The following N4BP2L2 variants were observed in gnomAD, a reference collection of about 807,000 sequenced individuals.
N4BP2L2 encodes the protein NEDD4 binding protein 2 like 2.
In N4BP2L2, 50 loss-of-function variants were observed where a neutral mutation model predicts 56.2. The ratio of observed to expected loss-of-function variants is 0.89; its 90% CI spans 0.71 to 1.13. The LOEUF (loss-of-function observed/expected upper bound fraction) is 1.13. N4BP2L2 is among the 50% of genes most tolerant of loss of function. The pLI is 0.00. For missense variants in N4BP2L2, 689 were observed against 693.8 expected, an observed-to-expected ratio of 0.99 and a Z score of 0.08; for synonymous variants, 203 against 223.6, an observed-to-expected ratio of 0.91 and a Z score of 0.82.
chr13:32,459,568 A>G (rs1276499532), intron 6 of N4BP2L2, among the ~76,000 whole-genome samples: 1 of 152,112 alleles, frequency 6.6e-6, no homozygotes, highest in African/African-American at 2.4e-5. Flanking sequence ...ATCCTACAAT[A>G]TTGAATCAAA....
chr13:32,467,827 T>C (rs1179260833), intron 6 of N4BP2L2, among the ~76,000 whole-genome samples: 1 of 151,256 alleles, frequency 6.6e-6, no homozygotes, highest in East Asian at 2.0e-4. Flanking sequence ...CCATCTCTAA[T>C]AAAAATACAA....
exon 6 of N4BP2L2, chr13:32,513,657 C>T (rs566478897): frequency 4.6e-5 from 7 of 152,026 alleles, no homozygotes; most frequent in Non-Finnish European, 8.8e-5. Context: ...CCTGCTGCTG[C>T]CACCAAATTA....
chr13:32,528,342 A>T (rs1356986774), intron 2 of N4BP2L2, among the ~76,000 whole-genome samples: 1 of 152,248 alleles, frequency 6.6e-6, no homozygotes, highest in Admixed American at 6.5e-5. Flanking sequence ...TTGGAGGCTT[A>T]AGGTTATGGA....
chr13:32,516,533 A>C (rs545063861), exon 6 of N4BP2L2: 1 of 152,334 alleles, frequency 6.6e-6, no homozygotes, highest in Admixed American at 6.5e-5. Flanking sequence ...GAATATCTAA[A>C]GTTGAAAGGA....
chr13:32,442,839 G>A lies in N4BP2L2; in HGVS notation c.1653C>T (p.Thr551=), dbSNP rs761765271. The change falls in exon 7 of 10, where the codon ACC becomes ACT. Residue 551 remains threonine (T), a synonymous_variant. Coordinates refer to the N4BP2L2 transcript ENST00000357505. ...AACGCTGTCCATCAATATTTAAAGG[G>A]GTAGCTTTGATAATATCAAGGTAAA... The A allele has an allele frequency of 3.7e-6, 6 of 1,613,446 alleles. No individual in the cohort carries two copies. In the South Asian group the frequency reaches 4.4e-5, roughly 12 times the overall value.
chr13:32,478,665 C>G (rs947481930), intron 6 of N4BP2L2: 3 of 152,462 alleles, frequency 2.0e-5, no homozygotes, highest in African/African-American at 7.2e-5. Flanking sequence ...AGAAGATTCT[C>G]TATTTGTTCA....
Position 32,438,625 on chromosome 13 carries a change from T to TACACAC in N4BP2L2, c.2190+21_2190+26dup, listed in dbSNP as rs374411974. ...AAACAACAACAACAACAAAAATACA[T>TACACAC]ACACACACACACACACACATATATA... On this transcript the variant is annotated intron_variant, in intron 8 of 9. Transcript: ENST00000357505. 12 of 1,425,360 alleles carry TACACAC rather than the reference T, an allele frequency of 8.4e-6. No individual in the cohort carries two copies. In the African/African-American group the frequency reaches 1.6e-4, roughly 19 times the overall value. 88.3% of individuals were successfully genotyped at this position (1,425,360 alleles called of 1,614,324 possible).
chr13:32,478,574 G>C (rs73173019), intron 6 of N4BP2L2: 1 of 154,078 alleles, frequency 6.5e-6, no homozygotes, highest in African/African-American at 2.4e-5. Context: ...GAAAAAGAAT[G>C]TCTCTAATTG....
chr13:32,446,156 T>C (rs531075063), intron 6 of N4BP2L2, among the ~76,000 whole-genome samples: 2 of 152,210 alleles, frequency 1.3e-5, no homozygotes, highest in Admixed American at 1.3e-4. Context: ...CTGGGCAATT[T>C]TCAATAGGTA....
At chr13:32,526,336 GA>G (rs2052764644) in intron 3 of N4BP2L2, among the ~76,000 whole-genome samples, 2 of 152,194 alleles carry the variant, frequency 1.3e-5, no homozygotes, top group Admixed American at 1.3e-4. Flanking sequence ...TCGAACAACA[GA>G]GGAGATTCAA....
At chr13:32,493,825 A>G (rs545707065) in intron 6 of N4BP2L2, among the ~76,000 whole-genome samples, 1 of 152,386 alleles carries the variant, frequency 6.6e-6, no homozygotes, top group South Asian at 2.1e-4. Context: ...AAAAACTGCA[A>G]GCTAATGTTA....
chr13:32,447,010 G>A (rs1055524035), intron 6 of N4BP2L2, among the ~76,000 whole-genome samples: 1 of 151,738 alleles, frequency 6.6e-6, no homozygotes. Flanking sequence ...TAACCATTAT[G>A]CAACACTGCC....
intron 7 of N4BP2L2, chr13:32,438,835 C>T: frequency 1.3e-6 from 1 of 760,954 alleles, no homozygotes; most frequent in Non-Finnish European, 2.1e-6. Flanking sequence ...TTCACCATAC[C>T]ATTAAAAGTC....
intron 6 of N4BP2L2, among the ~76,000 whole-genome samples, chr13:32,479,003 C>T (rs933379572): frequency 2.0e-5 from 3 of 151,706 alleles, no homozygotes; most frequent in South Asian, 2.1e-4. Context: ...GGAATGATGG[C>T]GGGTGCCTAT....
intron 6 of N4BP2L2, among the ~76,000 whole-genome samples, chr13:32,483,232 G>A (rs961636331): frequency 7.9e-5 from 12 of 152,112 alleles, no homozygotes; most frequent in Non-Finnish European, 1.5e-5. Flanking sequence ...AGTACTGTGG[G>A]AAAATGTAGA....
intron 6 of N4BP2L2, among the ~76,000 whole-genome samples, chr13:32,487,536 G>T (rs999262191): frequency 4.0e-5 from 6 of 151,376 alleles, no homozygotes; most frequent in Non-Finnish European, 8.8e-5. Context: ...GCCAGGCATT[G>T]TGGCATGCGC....
At chr13:32,466,515 C>T (rs1433703060) in intron 6 of N4BP2L2, among the ~76,000 whole-genome samples, 4 of 151,180 alleles carry the variant, frequency 2.6e-5, no homozygotes, top group South Asian at 2.1e-4. Context: ...TGCAGTGAGC[C>T]GAGATCAGAG....
chr13:32,484,003 AAAG>A (rs1159375222), intron 6 of N4BP2L2, among the ~76,000 whole-genome samples: 1 of 151,250 alleles, frequency 6.6e-6, no homozygotes, highest in East Asian at 1.9e-4. Flanking sequence ...AAAAAAAAAA[AAAG>A]AAAAGAAAAA....
intron 9 of N4BP2L2, chr13:32,436,346 A>G (rs1036971583): frequency 3.3e-6 from 4 of 1,201,852 alleles, no homozygotes; most frequent in South Asian, 1.5e-5. Flanking sequence ...GGTCTCTAGA[A>G]TAAGTCATAC....
Sources: allele counts gnomAD v4.1 joint callset (sites outside exome capture counted in the v4.1 genomes callset), GRCh38; gene constraint gnomAD v4.1.1; transcripts MANE v1.5; gene names NCBI Gene and HGNC (gene_info 2026-07-23, HGNC 2026-07-21).